The following TMEM132D variants were observed in gnomAD, a reference collection of about 807,000 sequenced individuals.
TMEM132D encodes mature OL transmembrane protein.
A neutral mutation model predicts 62.3 loss-of-function variants in TMEM132D; 21 were observed. The observed-to-expected ratio is 0.34, with a 90% confidence interval of 0.24 to 0.49. TMEM132D has a LOEUF of 0.49. TMEM132D is among the 20% of genes least tolerant of loss of function. The pLI is 0.99. For synonymous variants in TMEM132D, 621 were observed against 575.6 expected (o/e 1.08, Z -1.13); for missense variants, 1,346 against 1,402.8 (o/e 0.96, Z 0.65).
intron 1 of TMEM132D, among the ~76,000 whole-genome samples, chr12:129,839,177 G>A (rs943592350): frequency 2.4e-5 from 3 of 122,864 alleles, no homozygotes; most frequent in Non-Finnish European, 4.8e-5. Context: ...TGTCGCCTGG[G>A]CTAGAGTACA....
At chr12:129,097,985 C>T (rs933932854) in intron 5 of TMEM132D, among the ~76,000 whole-genome samples, 15 of 152,314 alleles carry the variant, frequency 9.8e-5, no homozygotes, top group African/African-American at 3.6e-4. Context: ...AAAGTCATCA[C>T]CAAACACGAT....
chr12:129,240,313 G>A (rs1879901522), intron 4 of TMEM132D, among the ~76,000 whole-genome samples: 1 of 152,138 alleles, frequency 6.6e-6, no homozygotes, highest in Non-Finnish European at 1.5e-5. Flanking sequence ...GCTAATATAA[G>A]TTTGTTCAAT....
chr12:129,183,456 CT>C lies in TMEM132D; in HGVS notation c.1443+26063del, dbSNP rs1450606962. Among the ~76,000 whole-genome samples the C allele has an allele frequency of 2.6e-5, 4 of 152,370 alleles. No individual in the cohort carries two copies. In the East Asian group the frequency reaches 7.7e-4, roughly 29 times the overall value. The stretch of plus-strand genomic sequence containing the variant: ...CTTGTGGGTAGGAGCTCAACTCACC[CT>C]TTCCTGCAGCCCAGGCGTATTTCCT... On this transcript the variant is annotated intron_variant, in intron 5 of 8. Transcript: ENST00000422113.
intron 2 of TMEM132D, among the ~76,000 whole-genome samples, chr12:129,608,614 G>A (rs185814040): frequency 3.3e-5 from 5 of 152,154 alleles, no homozygotes; most frequent in African/African-American, 9.7e-5. Context: ...ATCATGTCGC[G>A]TTTACAGCTA....
At chr12:129,209,219 C>T (rs529322781) in intron 5 of TMEM132D, among the ~76,000 whole-genome samples, 151 of 152,262 alleles carry the variant, frequency 9.9e-4, no homozygotes, top group African/African-American at 3.4e-3. Flanking sequence ...TAAGCGGGTC[C>T]CTGCCTCCCA....
At position 129,700,264 on chromosome 12, in the gene TMEM132D, C is replaced by T; in HGVS notation, c.514G>A (p.Ala172Thr). 1 of 1,613,488 alleles carries T rather than the reference C, an allele frequency of 6.2e-7. No individual in the cohort carries two copies. Reference protein sequence around the residue: ...GEKLPCLRVFAFRETREVRGS... With the variant: ...GEKLPCLRVFTFRETREVRGS... ...CGCACCTCTCGGGTCTCTCGGAAAGCAAAGACCCTCAGGCACGGCAGCTTC... is the reference window on the plus strand; with the variant it reads ...CGCACCTCTCGGGTCTCTCGGAAAGTAAAGACCCTCAGGCACGGCAGCTTC... The change falls in exon 2 of 9, where the codon GCT becomes ACT. Residue 172 changes from alanine to threonine, a missense_variant. Physicochemically the swap from Ala to Thr is moderately conservative, Grantham distance 58. Coordinates refer to ENST00000422113, the MANE Select transcript of TMEM132D (RefSeq NM_133448.3).
At chr12:129,229,365 G>A (rs1362597589) in intron 4 of TMEM132D, among the ~76,000 whole-genome samples, 2 of 152,154 alleles carry the variant, frequency 1.3e-5, no homozygotes, top group African/African-American at 2.4e-5. Context: ...TTTAAGAAAC[G>A]TACACTTCAT....
In TMEM132D at chr12:129,877,173, T is replaced by TATAATTAA. The variant is rs59715068; in HGVS notation, c.79+26087_79+26088insTTAATTAT. Among the ~76,000 whole-genome samples the TATAATTAA allele has an allele frequency of 2.4e-3, 352 of 148,428 alleles. 5 individuals carry two copies. Among genetic ancestry groups the TATAATTAA allele is most frequent in the African/African-American group, 7.8e-3 (319 of 40,946 alleles). ...ATTAGTTTAACTATGAATATTATAT[T>TATAATTAA]TATAATTATGTAATATTATAGTATA... On this transcript the variant is annotated intron_variant, in intron 1 of 8. Transcript: ENST00000422113.
chr12:129,798,158 A>G (rs1871621811), intron 1 of TMEM132D, among the ~76,000 whole-genome samples: 1 of 152,174 alleles, frequency 6.6e-6, no homozygotes, highest in Non-Finnish European at 1.5e-5. Flanking sequence ...CCGGAAGCTG[A>G]GCAGATGCCA....
chr12:129,178,904 G>T (rs941489494), intron 5 of TMEM132D, among the ~76,000 whole-genome samples: 1 of 152,150 alleles, frequency 6.6e-6, no homozygotes, highest in Non-Finnish European at 1.5e-5. Flanking sequence ...TACAAGCAAG[G>T]GGTTACAAAG....
intron 1 of TMEM132D, among the ~76,000 whole-genome samples, chr12:129,902,383 C>A (rs1290406683): frequency 6.6e-6 from 1 of 152,164 alleles, no homozygotes; most frequent in Non-Finnish European, 1.5e-5. Context: ...GAAAGGGGCA[C>A]GGGTGGGGGA....
intron 4 of TMEM132D, among the ~76,000 whole-genome samples, chr12:129,301,739 G>A (rs1232343898): frequency 1.3e-5 from 2 of 152,056 alleles, no homozygotes; most frequent in Admixed American, 1.3e-4. Flanking sequence ...AAGTCTGGTG[G>A]GTGGGGGTCA....
At chr12:129,450,227 T>C (rs6416184) in intron 3 of TMEM132D, among the ~76,000 whole-genome samples, 134,261 of 152,222 alleles carry the variant, frequency 0.88, 59,557 homozygotes, top group Non-Finnish European at 0.93. Flanking sequence ...CATTTGTCAA[T>C]TGTTGCTTTT....
At chr12:129,219,228 C>T (rs1281193510) in intron 4 of TMEM132D, among the ~76,000 whole-genome samples, 1 of 152,098 alleles carries the variant, frequency 6.6e-6, no homozygotes, top group Non-Finnish European at 1.5e-5. Context: ...CTTTCCCATG[C>T]TTTTCTTGTG....
intron 2 of TMEM132D, among the ~76,000 whole-genome samples, chr12:129,559,929 A>T (rs1202482379): frequency 6.6e-6 from 1 of 152,232 alleles, no homozygotes; most frequent in Non-Finnish European, 1.5e-5. Flanking sequence ...ATGCACGTGG[A>T]ATACAGCTGC....
chr12:129,366,916 T>C (rs931740559), intron 3 of TMEM132D, among the ~76,000 whole-genome samples: 1 of 152,168 alleles, frequency 6.6e-6, no homozygotes, highest in Non-Finnish European at 1.5e-5. Flanking sequence ...AGGGTGGAAT[T>C]CGCACTATGC....
intron 4 of TMEM132D, among the ~76,000 whole-genome samples, chr12:129,251,031 T>C (rs1187215823): frequency 2.0e-5 from 3 of 152,150 alleles, no homozygotes; most frequent in East Asian, 3.9e-4. Context: ...GCAATCACCA[T>C]GCATGCTAAA....
intron 3 of TMEM132D, among the ~76,000 whole-genome samples, chr12:129,528,078 C>A (rs892923313): frequency 1.3e-5 from 2 of 152,166 alleles, no homozygotes; most frequent in African/African-American, 4.8e-5. Context: ...GCTTCTTTTG[C>A]ATTATGATGA....
At position 129,074,977 on chromosome 12, in the gene TMEM132D, A is replaced by C; in HGVS notation, c.2198T>G (p.Leu733Trp). The C allele has an allele frequency of 6.2e-7, 1 of 1,614,046 alleles. No homozygotes were observed. Among genetic ancestry groups the C allele is most frequent in the South Asian group, 1.1e-5 (1 of 91,072 alleles). ...CTTCTCATCCAAAGATGTGGCCATC[A>C]AGGAGAAGTCTTTCCCATCGTAAAT... Reference protein sequence around the residue: ...LDIYDGKDFSLMATSLDEKVV... With the variant: ...LDIYDGKDFSWMATSLDEKVV... The change falls in exon 9 of 9, where the codon TTG becomes TGG. Residue 733 changes from leucine to tryptophan, a missense_variant. Coordinates refer to ENST00000422113, the MANE Select transcript of TMEM132D (RefSeq NM_133448.3).
Sources: gnomAD v4.1 joint callset for allele counts (sites outside exome capture counted in the v4.1 genomes callset) on GRCh38, gnomAD v4.1.1 for gene constraint, MANE v1.5 for transcripts, NCBI Gene and HGNC (gene_info 2026-07-23, HGNC 2026-07-21) for gene names.